RAB38: variants seen among roughly 807,000 people sequenced by gnomAD.
The protein encoded by RAB38 is ras-related protein Rab-38.
In RAB38, 15 loss-of-function variants were observed where a neutral mutation model predicts 18.4. The ratio of observed to expected loss-of-function variants is 0.82; its 90% CI spans 0.55 to 1.26. The LOEUF is 1.26. Ranked by LOEUF, RAB38 falls within the 50% of genes most tolerant of loss-of-function variation. The probability of loss-of-function intolerance (pLI) is 0.00; values close to 1 mark genes in which losing one functional copy is unlikely to be tolerated. For missense variants in RAB38, 294 were observed against 267.4 expected (o/e 1.10, Z -0.69); for synonymous variants, 101 against 104.4 (o/e 0.97, Z 0.20).
the RAB38 span, among the ~76,000 whole-genome samples, chr11:88,082,820 C>T: frequency 6.6e-6 from 1 of 151,826 alleles, no homozygotes; most frequent in African/African-American, 2.4e-5. Flanking sequence ...GTTTTCCCTC[C>T]ATTTATAAAC....
At chr11:87,902,515 A>G in the RAB38 span, among the ~76,000 whole-genome samples, 10 of 151,376 alleles carry the variant, frequency 6.6e-5, no homozygotes, top group Non-Finnish European at 1.3e-4. Context: ...TTACCACACA[A>G]ACACATAAAG....
chr11:87,840,359 A>C, the RAB38 span, among the ~76,000 whole-genome samples: 1 of 152,124 alleles, frequency 6.6e-6, no homozygotes, highest in African/African-American at 2.4e-5. Context: ...ATAGTATAAA[A>C]CTAAGGTGGC....
the RAB38 span, among the ~76,000 whole-genome samples, chr11:87,925,790 G>GT: frequency 6.6e-6 from 1 of 152,030 alleles, no homozygotes; most frequent in African/African-American, 2.4e-5. Context: ...TGGGCTGTCT[G>GT]TTGAGGTAAT....
chr11:88,045,078 A>G, the RAB38 span, among the ~76,000 whole-genome samples: 7 of 152,138 alleles, frequency 4.6e-5, no homozygotes, highest in East Asian at 1.2e-3. Context: ...GCTCTTTTTC[A>G]TCGAATATAA....
the RAB38 span, among the ~76,000 whole-genome samples, chr11:87,912,436 C>T: frequency 3.3e-5 from 5 of 151,984 alleles, 1 homozygote; most frequent in South Asian, 4.2e-4. Context: ...TAGTTTGTGT[C>T]TCAAAGGACT....
At chr11:88,032,893 T>C in the RAB38 span, among the ~76,000 whole-genome samples, 12 of 152,306 alleles carry the variant, frequency 7.9e-5, no homozygotes, top group South Asian at 1.2e-3. Context: ...ACCCAAAGGA[T>C]TATAAATCAT....
At chr11:87,950,640 T>TTGGCTGGATATGAA in the RAB38 span, among the ~76,000 whole-genome samples, 33 of 152,258 alleles carry the variant, frequency 2.2e-4, no homozygotes, top group African/African-American at 7.2e-4. Flanking sequence ...CTCCTTCAGT[T>TTGGCTGGATATGAA]ATGAAGCTTA....
chr11:88,174,137 C>G (rs533709119), intron 1 of RAB38: 2 of 954,416 alleles, frequency 2.1e-6, no homozygotes, highest in African/African-American at 3.5e-5. Context: ...ATCCTTGACC[C>G]TTGCCCAACT....
intron 1 of RAB38, among the ~76,000 whole-genome samples, chr11:88,174,538 G>A (rs1474598783): frequency 7.6e-6 from 1 of 132,082 alleles, no homozygotes; most frequent in Admixed American, 8.5e-5. Flanking sequence ...CAGAGAGATA[G>A]AAATACAGAA....
intron 1 of RAB38, among the ~76,000 whole-genome samples, chr11:88,152,167 A>G (rs934629465): frequency 1.3e-5 from 2 of 152,192 alleles, no homozygotes; most frequent in Non-Finnish European, 2.9e-5. Context: ...GCCTTCTGTG[A>G]TAACTCAGAA....
At chr11:87,956,399 C>A in the RAB38 span, among the ~76,000 whole-genome samples, 4 of 152,146 alleles carry the variant, frequency 2.6e-5, no homozygotes, top group African/African-American at 4.8e-5. Flanking sequence ...CACTCACATG[C>A]AAGCTTAAAT....
the RAB38 span, chr11:87,816,939 A>G: frequency 6.6e-6 from 1 of 152,146 alleles, no homozygotes. Context: ...CTAGAACAAT[A>G]ACAGCATTTT....
chr11:88,028,747 G>T, the RAB38 span, among the ~76,000 whole-genome samples: 35 of 150,206 alleles, frequency 2.3e-4, no homozygotes, highest in South Asian at 4.2e-4. Context: ...CCAAATCTAC[G>T]TCTGATTGGT....
chr11:87,948,720 C>A, the RAB38 span, among the ~76,000 whole-genome samples: 5 of 145,928 alleles, frequency 3.4e-5, no homozygotes, highest in African/African-American at 1.1e-4. Context: ...TTGAACCAGC[C>A]TTGCATCCCA....
chr11:87,882,005 C>A, the RAB38 span, among the ~76,000 whole-genome samples: 1 of 151,860 alleles, frequency 6.6e-6, no homozygotes, highest in Non-Finnish European at 1.5e-5. Flanking sequence ...ATTAATGCCA[C>A]TCTAATCTCC....
the RAB38 span, among the ~76,000 whole-genome samples, chr11:88,041,081 T>C: frequency 3.3e-5 from 5 of 152,236 alleles, no homozygotes; most frequent in African/African-American, 1.2e-4. Context: ...GTTTCCAGTA[T>C]GTATCCTAAA....
At chr11:87,827,145 G>A in the RAB38 span, among the ~76,000 whole-genome samples, 1 of 152,096 alleles carries the variant, frequency 6.6e-6, no homozygotes, top group Non-Finnish European at 1.5e-5. Context: ...AATGTGAAAG[G>A]AGTCATCAGT....
the RAB38 span, among the ~76,000 whole-genome samples, chr11:87,959,987 T>A: frequency 6.6e-6 from 1 of 152,146 alleles, no homozygotes; most frequent in African/African-American, 2.4e-5. Flanking sequence ...GCTTAGCCTA[T>A]AACCTAAGTA....
the RAB38 span, among the ~76,000 whole-genome samples, chr11:87,971,951 G>C: frequency 4.9e-3 from 741 of 151,394 alleles, 7 homozygotes; most frequent in South Asian, 0.034. Flanking sequence ...TATTTAAAAA[G>C]GAGGCAACAA....
Sources: gnomAD v4.1 joint callset for allele counts (sites outside exome capture counted in the v4.1 genomes callset) on GRCh38, gnomAD v4.1.1 for gene constraint, MANE v1.5 for transcripts, NCBI Gene and HGNC (gene_info 2026-07-23, HGNC 2026-07-21) for gene names.